Variants in MFSD2A observed in about 807,000 individuals in gnomAD.
MFSD2A encodes sodium-dependent lysophosphatidylcholine symporter 1.
MFSD2A carries 27 observed loss-of-function variants against 64.7 expected under a neutral mutation model. The observed-to-expected ratio is 0.42, with a 90% CI of 0.31 to 0.58. MFSD2A has a LOEUF of 0.58. Among genes scored for constraint, MFSD2A ranks in the 20% least tolerant of loss-of-function variants. The pLI, the probability that MFSD2A is intolerant of heterozygous loss-of-function variation, is 0.18. For synonymous variants in MFSD2A, 258 were observed against 273.4 expected (o/e 0.94, Z 0.55); for missense variants, 474 against 679.5 (o/e 0.70, Z 3.36).
intron 3 of MFSD2A, chr1:39,962,937 G>A (rs1458465152): frequency 6.4e-6 from 10 of 1,564,740 alleles, no homozygotes; most frequent in Admixed American, 1.7e-5. Flanking sequence ...TGTTGCTATC[G>A]GAGACTACAA....
chr1:39,968,622 C>T lies in MFSD2A; in HGVS notation c.1406C>T (p.Thr469Ile). The T allele has an allele frequency of 6.2e-7, 1 of 1,613,816 alleles. No homozygotes were observed. Among genetic ancestry groups the T allele is most frequent in the Non-Finnish European group, 8.5e-7 (1 of 1,179,864 alleles). The change falls in exon 13 of 14, where the codon ACA becomes ATA. Residue 469 changes from threonine (T) to isoleucine (I), a missense_variant. By Grantham distance (89) the Thr-to-Ile change is moderately conservative (BLOSUM62 -1). Coordinates refer to ENST00000372811, the MANE Select transcript of MFSD2A (RefSeq NM_032793.5). This position sits in a 1 kb window ranked among gnomAD's most constrained non-coding sequence, Gnocchi z 4.4. ...TCGCAGCCGGAACGTGTCAAGTTTA[C>T]ACTGAACATGCTCGTGACCATGGCT... ...GCSQPERVKF[T>I]LNMLVTMAPI... is the part of the protein sequence containing the mutation.
In MFSD2A at chr1:39,955,531, G is replaced by T; in HGVS notation, c.93+146G>T. On this transcript the variant is annotated intron_variant, in intron 1 of 13. Transcript: ENST00000372811. This position sits in a 1 kb window ranked among gnomAD's most constrained non-coding sequence, Gnocchi z 5.9. ...TACGAGCCAGAGAGGACCTGGGGGT[G>T]CCCTGGGACAGGGGGTGACGGAGAA... The T allele has an allele frequency of 1.1e-6, 1 of 888,956 alleles. No homozygotes were observed. The highest frequency in any genetic ancestry group is 1.8e-6 in the Non-Finnish European group (1 of 558,246). The allele number at this position is 888,956 out of a possible 1,614,324, so 55.1% of individuals were successfully genotyped here.
intron 3 of MFSD2A, chr1:39,962,664 C>G (rs963193660): frequency 2.5e-6 from 2 of 786,770 alleles, no homozygotes; most frequent in African/African-American, 1.7e-5. Context: ...GGGTCATGGC[C>G]GTGGACGGGG....
chr1:39,959,172 G>A (rs1644984584), intron 3 of MFSD2A, among the ~76,000 whole-genome samples: 1 of 151,884 alleles, frequency 6.6e-6, no homozygotes, highest in Non-Finnish European at 1.5e-5. Flanking sequence ...TTAAGCAGTT[G>A]TACTCTGGAG....
chr1:39,957,348 T>A, intron 2 of MFSD2A, 127 bp downstream of exon 2: 1 of 958,212 alleles, frequency 1.0e-6, no homozygotes, highest in Non-Finnish European at 1.5e-6. Flanking sequence ...CTTTGCTGCC[T>A]CTGAGTCAGT....
Position 39,955,158 on chromosome 1 carries a change from C to T in MFSD2A, c.-135C>T, listed in dbSNP as rs1164180891. The T allele has an allele frequency of 1.2e-5, 7 of 605,872 alleles. No homozygotes were observed. The South Asian group carries it at 2.0e-4, about 17-fold the overall frequency. 37.5% of individuals were successfully genotyped at this position (605,872 alleles called of 1,614,324 possible). A position where few individuals can be genotyped will look rare whatever the true frequency, so the allele number is the denominator to read the frequency against. The stretch of plus-strand genomic sequence containing the variant: ...GGGGCGTGCAGCAGAGTGCGTTCCT[C>T]GTCTGCCAGCCGGCTTGGCTAGCGC... On this transcript the variant is annotated 5_prime_UTR_variant, in exon 1 of 14. Coordinates refer to ENST00000372811, the MANE Select transcript of MFSD2A (RefSeq NM_032793.5). The surrounding 1 kb of genome is among the most constrained non-coding windows in gnomAD (Gnocchi z 5.9).
Position 39,969,619 on chromosome 1 carries a change from A to C in MFSD2A, c.*51A>C. ...CATGCAGAAGGCCACAGAAGGGATC[A>C]GGACCTGTCTGCCGGCTTGCTGAGC... On this transcript the variant is annotated 3_prime_UTR_variant, in exon 14 of 14. Transcript: ENST00000372811. The C allele has an allele frequency of 2.6e-6, 4 of 1,547,582 alleles. No homozygotes were observed. The highest frequency in any genetic ancestry group is 3.5e-6 in the Non-Finnish European group (4 of 1,133,812).
In MFSD2A at chr1:39,968,841, C is replaced by CA. The variant is rs1645222040; in HGVS notation, c.1529+97dup. On this transcript the variant is annotated intron_variant, in intron 13 of 13. Transcript: ENST00000372811. The surrounding 1 kb of genome is among the most constrained non-coding windows in gnomAD (Gnocchi z 4.4). ...TGTGGCCAAGTCCAGACTCACCCCC[C>CA]ACACATCTTCTCTGGACAGCTGTAA... 1 of 1,333,856 alleles carries CA rather than the reference C, an allele frequency of 7.5e-7. No individual in the cohort carries two copies. The allele number at this position is 1,333,856 out of a possible 1,614,324, so 82.6% of individuals were successfully genotyped here. A position where few individuals can be genotyped will look rare whatever the true frequency, so the allele number is the denominator to read the frequency against.
At chr1:39,957,346 C>A in intron 2 of MFSD2A, 125 bp downstream of exon 2, 1 of 996,852 alleles carries the variant, frequency 1.0e-6, no homozygotes, top group Non-Finnish European at 1.4e-6. Context: ...TACTTTGCTG[C>A]CTCTGAGTCA....
chr1:39,967,250 A>T (rs1456914948), intron 9 of MFSD2A, 81 bp downstream of exon 9: 2 of 1,316,054 alleles, frequency 1.5e-6, no homozygotes, highest in Admixed American at 3.6e-5. Context: ...TAGGCAGAGG[A>T]TGTTTCTCAG....
At position 39,967,930 on chromosome 1, in the gene MFSD2A, G is replaced by C; in HGVS notation, c.1208+14G>C. ...CTTACTACCCTGGTAGGTATATACA[G>C]GCCCCCCTCCTCGGGTATCTCCAGC... On this transcript the variant is annotated intron_variant, in intron 11 of 13. Coordinates refer to ENST00000372811, the MANE Select transcript of MFSD2A (RefSeq NM_032793.5). 6.5e-7 allele frequency: 1 copy of C among 1,543,486 alleles called. No individual in the cohort carries two copies. The highest frequency in any genetic ancestry group is 8.9e-7 in the Non-Finnish European group (1 of 1,122,656).
chr1:39,962,228 T>A (rs1268710740), intron 3 of MFSD2A, among the ~76,000 whole-genome samples: 1 of 152,196 alleles, frequency 6.6e-6, no homozygotes, highest in Non-Finnish European at 1.5e-5. Context: ...GATACGCACC[T>A]ATCTGAAGAC....
chr1:39,963,394 C>A lies in MFSD2A; in HGVS notation c.354-1817C>A. 1.5e-6 allele frequency: 1 copy of A among 665,002 alleles called. No individual in the cohort carries two copies. The highest frequency in any genetic ancestry group is 2.4e-5 in the Admixed American group (1 of 41,204). The allele number at this position is 665,002 out of a possible 1,614,324, so 41.2% of individuals were successfully genotyped here. A position where few individuals can be genotyped will look rare whatever the true frequency, so the allele number is the denominator to read the frequency against. On this transcript the variant is annotated intron_variant, in intron 3 of 13. Coordinates refer to ENST00000372811, the MANE Select transcript of MFSD2A (RefSeq NM_032793.5). This position sits in a 1 kb window ranked among gnomAD's most constrained non-coding sequence, Gnocchi z 4.2. The stretch of plus-strand genomic sequence containing the variant: ...AAGACCCACCAGGCTCCAGCTGTGG[C>A]TACAACATAGGGTTTTTATACAAGA...
rs890056736 is a variant in MFSD2A at position 39,955,151 on chromosome 1, C to A, written c.-142C>A. On this transcript the variant is annotated 5_prime_UTR_variant, in exon 1 of 14. Transcript: ENST00000372811. The surrounding 1 kb of genome is among the most constrained non-coding windows in gnomAD (Gnocchi z 5.9). ...CGCGGAGGGGGCGTGCAGCAGAGTG[C>A]GTTCCTCGTCTGCCAGCCGGCTTGG... 4.6e-5 allele frequency: 25 copies of A among 544,396 alleles called. No individual in the cohort carries two copies. The highest frequency in any genetic ancestry group is 5.1e-4 in the Middle Eastern group (1 of 1,966). 33.7% of individuals were successfully genotyped at this position (544,396 alleles called of 1,614,324 possible).
intron 3 of MFSD2A, among the ~76,000 whole-genome samples, chr1:39,962,475 A>G (rs1645064558): frequency 6.6e-6 from 1 of 152,256 alleles, no homozygotes; most frequent in Non-Finnish European, 1.5e-5. Flanking sequence ...ACTACGGTAA[A>G]GTATATGTAA....
intron 1 of MFSD2A, among the ~76,000 whole-genome samples, chr1:39,956,349 G>GGTGA (rs1644927922): frequency 6.6e-6 from 1 of 152,176 alleles, no homozygotes; most frequent in Non-Finnish European, 1.5e-5. Context: ...AGCTGGGCCG[G>GGTGA]GCCCCCGTAG....
chr1:39,958,329 A>C lies in MFSD2A; in HGVS notation c.229-372A>C, dbSNP rs1570237347. ...ATTATACAGATGGGAACACTGAAGC[A>C]CACTGTGTTCACCCCGTGAATGCTC... On this transcript the variant is annotated intron_variant, in intron 2 of 13. Coordinates refer to ENST00000372811, the MANE Select transcript of MFSD2A (RefSeq NM_032793.5). This position sits in a 1 kb window ranked among gnomAD's most constrained non-coding sequence, Gnocchi z 4.7. Among the ~76,000 whole-genome samples, 1 of 152,182 alleles carries C rather than the reference A, an allele frequency of 6.6e-6. No individual in the cohort carries two copies. Among genetic ancestry groups the C allele is most frequent in the Non-Finnish European group, 1.5e-5 (1 of 68,036 alleles).
intron 13 of MFSD2A, 125 bp from the exon 14 acceptor site, chr1:39,969,378 ACT>A: frequency 5.6e-6 from 4 of 717,376 alleles, no homozygotes; most frequent in East Asian, 3.0e-5. Context: ...GAGTGAGCAA[ACT>A]CTGTGTCCCG....
In MFSD2A at chr1:39,965,749, TC is replaced by T; in HGVS notation, c.557-107del. ...CCAAGGTGTCACCTACCCCACTACCTCTACCCACCCTGCCTGGAGCTACCGC... is the reference window on the plus strand; with the variant it reads ...CCAAGGTGTCACCTACCCCACTACCTTACCCACCCTGCCTGGAGCTACCGC... On this transcript the variant is annotated intron_variant, in intron 5 of 13. Transcript: ENST00000372811. This position sits in a 1 kb window ranked among gnomAD's most constrained non-coding sequence, Gnocchi z 5.5. 1.4e-6 allele frequency: 2 copies of T among 1,450,856 alleles called. No homozygotes were observed. Among genetic ancestry groups the T allele is most frequent in the Non-Finnish European group, 1.9e-6 (2 of 1,055,138 alleles). 89.9% of individuals were successfully genotyped at this position (1,450,856 alleles called of 1,614,324 possible). A position where few individuals can be genotyped will look rare whatever the true frequency, so the allele number is the denominator to read the frequency against.
Sources: allele counts gnomAD v4.1 joint callset (sites outside exome capture counted in the v4.1 genomes callset), GRCh38; gene constraint gnomAD v4.1.1; non-coding constraint Gnocchi (gnomAD v3.1); transcripts MANE v1.5; gene names NCBI Gene and HGNC (gene_info 2026-07-23, HGNC 2026-07-21).